EMB: variants seen among roughly 807,000 people sequenced by gnomAD.
EMB encodes the protein embigin.
A neutral mutation model predicts 41.4 loss-of-function variants in EMB; 31 were observed. That is an observed-to-expected ratio of 0.75 (90% confidence interval 0.56 to 1.01). The LOEUF is 1.01. EMB is among the 50% of genes least tolerant of loss of function. The pLI is 0.00. For synonymous variants in EMB, 137 were observed against 140.4 expected (o/e 0.98, Z 0.17); for missense variants, 379 against 388.3 (o/e 0.98, Z 0.20).
chr5:50,439,254 G>C (rs1194433364), intron 1 of EMB, among the ~76,000 whole-genome samples: 1 of 152,048 alleles, frequency 6.6e-6, no homozygotes, highest in Non-Finnish European at 1.5e-5. Flanking sequence ...AGGTGAACCA[G>C]GGATAGAAGA....
intron 1 of EMB, among the ~76,000 whole-genome samples, chr5:50,437,425 A>G (rs997999352): frequency 6.6e-6 from 1 of 152,182 alleles, no homozygotes; most frequent in Non-Finnish European, 1.5e-5. Flanking sequence ...CTTGATATTA[A>G]TGAGCACATT....
At chr5:50,441,349 G>A (rs1754494474), upstream of EMB, 2 of 378,536 alleles carry the variant, frequency 5.3e-6, no homozygotes, top group South Asian at 1.1e-4. Context: ...TACCGCGCCC[G>A]GCCCTCCATC....
intron 6 of EMB, 40 bp downstream of exon 6, chr5:50,403,138 C>G (rs534480005): frequency 1.3e-6 from 2 of 1,498,992 alleles, no homozygotes; most frequent in East Asian, 4.6e-5. Flanking sequence ...ACTGATAATA[C>G]TTTCTAAAAA....
At chr5:50,399,803 G>T in intron 8 of EMB, 56 bp downstream of exon 8, 2 of 1,353,544 alleles carry the variant, frequency 1.5e-6, no homozygotes, top group African/African-American at 1.5e-5. Flanking sequence ...TTGATAGATA[G>T]CCTATGTATA....
At chr5:50,412,627 C>CTTTTTTTTTTTTTTTTTTT (rs1561133930) in intron 2 of EMB, among the ~76,000 whole-genome samples, 3 of 151,768 alleles carry the variant, frequency 2.0e-5, no homozygotes, top group African/African-American at 7.3e-5. Context: ...TAAGCCCCCA[C>CTTTTTTTTTTTTTTTTTTT]TTTTAACTGG....
chr5:50,405,637 G>T, intron 5 of EMB, 88 bp downstream of exon 5: 1 of 1,466,326 alleles, frequency 6.8e-7, no homozygotes, highest in Non-Finnish European at 9.0e-7. Flanking sequence ...AATCATCTTA[G>T]GAATGCTGAG....
chr5:50,442,150 C>T (rs1173361476), upstream of EMB, among the ~76,000 whole-genome samples: 1 of 151,976 alleles, frequency 6.6e-6, no homozygotes, highest in African/African-American at 2.4e-5. Context: ...GTTTCCTCTC[C>T]CTTTATTTTT....
chr5:50,420,742 G>A lies in EMB; in HGVS notation c.196+7402C>T, dbSNP rs544201809. Among the ~76,000 whole-genome samples, 7 of 152,326 alleles carry A rather than the reference G, an allele frequency of 4.6e-5. No homozygotes were observed. In the South Asian group the frequency reaches 1.4e-3, roughly 32 times the overall value. On this transcript the variant is annotated intron_variant, in intron 2 of 8. Transcript: ENST00000303221. Reference sequence around the variant, plus strand: ...AGGCTTTCAATAAATTTTTGTTGAAGTGGTTGTAGCTCCCGGAATACAGTA... The same window carrying A: ...AGGCTTTCAATAAATTTTTGTTGAAATGGTTGTAGCTCCCGGAATACAGTA...
chr5:50,418,679 G>T (rs1745467408), intron 2 of EMB, among the ~76,000 whole-genome samples: 1 of 152,114 alleles, frequency 6.6e-6, no homozygotes, highest in Non-Finnish European at 1.5e-5. Flanking sequence ...CTTTATTCTA[G>T]GCCCTAGTAT....
chr5:50,423,700 T>C lies in EMB; in HGVS notation c.196+4444A>G, dbSNP rs576654322. 5.9e-5 allele frequency among the ~76,000 whole-genome samples: 9 copies of C among 152,348 alleles called. 1 individual carries two copies. In the South Asian group the frequency reaches 1.7e-3, roughly 28 times the overall value. The stretch of plus-strand genomic sequence containing the variant: ...GAAGTACTACCTGCCAGGGTCATTT[T>C]TGTGTTATTTCTCAGCTCGGAGGCT... On this transcript the variant is annotated intron_variant, in intron 2 of 8. Coordinates refer to ENST00000303221, the MANE Select transcript of EMB (RefSeq NM_198449.3).
intron 1 of EMB, among the ~76,000 whole-genome samples, chr5:50,437,759 G>A (rs958340316): frequency 1.3e-5 from 2 of 152,130 alleles, no homozygotes; most frequent in Non-Finnish European, 2.9e-5. Flanking sequence ...TGAGAGGTTA[G>A]TAGGGAAGGG....
At chr5:50,442,542 CTG>C (rs1368366383), upstream of EMB, among the ~76,000 whole-genome samples, 1 of 151,972 alleles carries the variant, frequency 6.6e-6, no homozygotes, top group African/African-American at 2.4e-5. Context: ...AATTAGACAA[CTG>C]TTTATCTGTG....
At chr5:50,411,041 T>TA (rs1225255863) in intron 3 of EMB, 76 bp from the exon 4 acceptor site, 4 of 1,232,732 alleles carry the variant, frequency 3.2e-6, no homozygotes, top group Non-Finnish European at 4.5e-6. Context: ...TAGCCATTAA[T>TA]AAAAATTTAA....
intron 4 of EMB, among the ~76,000 whole-genome samples, chr5:50,410,477 AT>A (rs1417422176): frequency 6.6e-6 from 1 of 152,132 alleles, no homozygotes; most frequent in Non-Finnish European, 1.5e-5. Flanking sequence ...GGATCCTAAA[AT>A]CCCATGTCCT....
intron 1 of EMB, among the ~76,000 whole-genome samples, chr5:50,432,469 T>C (rs1347189883): frequency 2.6e-5 from 4 of 152,084 alleles, no homozygotes; most frequent in African/African-American, 4.8e-5. Context: ...AATAAGAATA[T>C]ATTTCTTCAT....
intron 1 of EMB, among the ~76,000 whole-genome samples, chr5:50,436,312 C>T (rs562227751): frequency 6.6e-6 from 1 of 152,310 alleles, no homozygotes; most frequent in African/African-American, 2.4e-5. Context: ...ATACTGCCAA[C>T]TGCAATCCAA....
chr5:50,406,443 A>T (rs1224048285), intron 4 of EMB, among the ~76,000 whole-genome samples: 3 of 151,858 alleles, frequency 2.0e-5, no homozygotes, highest in Non-Finnish European at 4.4e-5. Context: ...AATATCCATT[A>T]TGATAAATTT....
chr5:50,406,270 G>A (rs1172357026), intron 4 of EMB, among the ~76,000 whole-genome samples: 2 of 151,804 alleles, frequency 1.3e-5, no homozygotes, highest in Non-Finnish European at 2.9e-5. Flanking sequence ...TTCCAGGATA[G>A]GAAATCTTTA....
intron 2 of EMB, among the ~76,000 whole-genome samples, chr5:50,422,655 G>T (rs531887766): frequency 1.4e-4 from 21 of 152,224 alleles, no homozygotes; most frequent in African/African-American, 4.8e-4. Context: ...GGAAAAGTAT[G>T]CAAATAATAG....
Sources: allele counts gnomAD v4.1 joint callset (sites outside exome capture counted in the v4.1 genomes callset), GRCh38; gene constraint gnomAD v4.1.1; transcripts MANE v1.5; gene names NCBI Gene and HGNC (gene_info 2026-07-23, HGNC 2026-07-21).